The following PGPEP1L variants were observed in gnomAD, a reference collection of about 807,000 sequenced individuals.
The protein encoded by PGPEP1L is pyroglutamyl-peptidase 1-like protein.
A neutral mutation model predicts 6.0 loss-of-function variants in PGPEP1L; 7 were observed. The observed-to-expected ratio is 1.17, with a 90% CI of 0.66 to 2.19. The LOEUF is 2.19. Among genes scored for constraint, PGPEP1L ranks in the 30% most tolerant of loss-of-function variants. The pLI, the probability that PGPEP1L is intolerant of heterozygous loss-of-function variation, is 0.00. For missense variants in PGPEP1L, 209 were observed against 192.5 expected, an observed-to-expected ratio of 1.09 and a Z score of -0.51; for synonymous variants, 103 against 83.9, an observed-to-expected ratio of 1.23 and a Z score of -1.24.
At chr15:98,989,730 A>C (rs2017794070) in intron 2 of PGPEP1L, among the ~76,000 whole-genome samples, 1 of 152,232 alleles carries the variant, frequency 6.6e-6, no homozygotes, top group Non-Finnish European at 1.5e-5. Flanking sequence ...GCACCCAGAG[A>C]GAAAGGTCGG....
intron 2 of PGPEP1L, among the ~76,000 whole-genome samples, chr15:98,991,622 A>G (rs1555472090): frequency 6.6e-6 from 1 of 152,190 alleles, no homozygotes; most frequent in Non-Finnish European, 1.5e-5. Context: ...CATCATCCTG[A>G]TACCAAAAAC....
intron 2 of PGPEP1L, among the ~76,000 whole-genome samples, chr15:98,982,559 C>G (rs7172887): frequency 0.071 from 10,781 of 152,106 alleles, 804 homozygotes; most frequent in African/African-American, 0.19. Context: ...CCGTGGAGGC[C>G]AATGTTCAGA....
chr15:98,997,693 C>T (rs938808851), intron 2 of PGPEP1L, among the ~76,000 whole-genome samples: 6 of 152,196 alleles, frequency 3.9e-5, no homozygotes, highest in Non-Finnish European at 7.3e-5. Context: ...ACATACTTAC[C>T]TCTTTGGGTC....
At position 98,972,307 on chromosome 15, in the gene PGPEP1L, C is replaced by T. The variant is rs144909000; in HGVS notation, c.-141-1149G>A. 3.3e-3 allele frequency among the ~76,000 whole-genome samples: 498 copies of T among 151,838 alleles called. 2 individuals are homozygous for T. Among genetic ancestry groups the T allele is most frequent in the Non-Finnish European group, 4.1e-3 (278 of 67,958 alleles). On this transcript the variant is annotated intron_variant, in intron 2 of 4. Coordinates refer to ENST00000535714, the MANE Select transcript of PGPEP1L (RefSeq NM_001167902.2). ...GGCAGAGGTTGCAGTGAACTGAGAT[C>T]GTGCCATCGCACTCCAGCCTGGGCA...
At chr15:98,990,026 C>T (rs1555471900) in intron 2 of PGPEP1L, among the ~76,000 whole-genome samples, 1 of 152,128 alleles carries the variant, frequency 6.6e-6, no homozygotes, top group Non-Finnish European at 1.5e-5. Context: ...ACTGCGAAAC[C>T]ATACCAAATT....
intron 2 of PGPEP1L, among the ~76,000 whole-genome samples, chr15:98,981,099 C>A (rs917509780): frequency 5.3e-5 from 8 of 152,186 alleles, no homozygotes; most frequent in African/African-American, 1.9e-4. Flanking sequence ...CTCCCCCTAA[C>A]CTCAGTCTGA....
In PGPEP1L at chr15:99,004,270, G is replaced by A. The variant is rs1366029088; in HGVS notation, c.-142+1159C>T. The stretch of plus-strand genomic sequence containing the variant: ...ACTAAAATAAAATAAATTGGGGGGT[G>A]TGGTGGTGAGTGCCTGTTGTCCCAG... On this transcript the variant is annotated intron_variant, in intron 2 of 4. Coordinates refer to ENST00000535714, the MANE Select transcript of PGPEP1L (RefSeq NM_001167902.2). Among the ~76,000 whole-genome samples, 15 of 152,174 alleles carry A rather than the reference G, an allele frequency of 9.9e-5. No homozygotes were observed. In the East Asian group the frequency reaches 1.9e-3, roughly 20 times the overall value.
chr15:98,994,658 C>A (rs78284105), intron 2 of PGPEP1L, among the ~76,000 whole-genome samples: 3 of 152,140 alleles, frequency 2.0e-5, no homozygotes, highest in Admixed American at 1.3e-4. Flanking sequence ...ATTTTGCCTG[C>A]GGGCTCACTA....
chr15:98,995,175 T>C (rs1555472379), intron 2 of PGPEP1L, among the ~76,000 whole-genome samples: 2 of 152,230 alleles, frequency 1.3e-5, no homozygotes, highest in Non-Finnish European at 2.9e-5. Flanking sequence ...TCCTACTAAA[T>C]GTATTTAGAA....
At chr15:98,999,440 G>A (rs953820578) in intron 2 of PGPEP1L, among the ~76,000 whole-genome samples, 2 of 152,194 alleles carry the variant, frequency 1.3e-5, no homozygotes, top group Middle Eastern at 3.2e-3. Context: ...ACCAAATGTT[G>A]GCAAGGATGA....
intron 2 of PGPEP1L, among the ~76,000 whole-genome samples, chr15:98,974,100 G>T (rs1387848368): frequency 6.6e-6 from 1 of 152,124 alleles, no homozygotes; most frequent in Non-Finnish European, 1.5e-5. Flanking sequence ...GAAGAAATAG[G>T]CTGGGCACAG....
chr15:98,992,696 ATAC>A (rs1389254963), intron 2 of PGPEP1L, among the ~76,000 whole-genome samples: 16 of 152,244 alleles, frequency 1.1e-4, no homozygotes, highest in African/African-American at 3.9e-4. Context: ...ACTTCAAACT[ATAC>A]TACAAGGCTG....
chr15:98,985,336 C>G (rs984425047), intron 2 of PGPEP1L, among the ~76,000 whole-genome samples: 1 of 152,072 alleles, frequency 6.6e-6, no homozygotes, highest in African/African-American at 2.4e-5. Context: ...GTTAGGGGTT[C>G]GAGACCAGCC....
rs748879404 is a variant in PGPEP1L at position 98,968,622 on chromosome 15, T to C, written c.285A>G (p.Pro95=). The change falls in exon 5 of 5, where the codon CCA becomes CCG. Residue 95 remains proline (P), a synonymous_variant. Transcript: ENST00000535714. ...GGCTGGCCGGGAGCCCGCGCGATAG[T>C]GGAGGGACATGGATGAGTGCCGCGC... ...KGCAALIHVP[P]LSRGLPASLL... is the part of the protein sequence containing the mutation. 52 of 1,603,480 alleles carry C rather than the reference T, an allele frequency of 3.2e-5. No individual in the cohort carries two copies. Among genetic ancestry groups the C allele is most frequent in the Middle Eastern group, 1.6e-4 (1 of 6,074 alleles).
chr15:98,982,164 T>C (rs1016887772), intron 2 of PGPEP1L, among the ~76,000 whole-genome samples: 3 of 152,214 alleles, frequency 2.0e-5, no homozygotes, highest in Non-Finnish European at 4.4e-5. Flanking sequence ...GGGAGGACTG[T>C]GAAGCCACAG....
intron 2 of PGPEP1L, among the ~76,000 whole-genome samples, chr15:99,004,579 G>T (rs1487214363): frequency 6.6e-6 from 1 of 152,094 alleles, no homozygotes; most frequent in African/African-American, 2.4e-5. Flanking sequence ...TTAGCTGGGC[G>T]TGGTGGTGCG....
At position 98,997,423 on chromosome 15, in the gene PGPEP1L, C is replaced by T. The variant is rs114952504; in HGVS notation, c.-142+8006G>A. On this transcript the variant is annotated intron_variant, in intron 2 of 4. Coordinates refer to ENST00000535714, the MANE Select transcript of PGPEP1L (RefSeq NM_001167902.2). ...GAATAAAGACCTCACCTTGATCCAA[C>T]GGAGGCATGAAATTGATGGCCAAGT... 3.0e-3 allele frequency among the ~76,000 whole-genome samples: 460 copies of T among 152,278 alleles called. 7 individuals are homozygous for T. Among genetic ancestry groups the T allele is most frequent in the African/African-American group, 9.6e-3 (398 of 41,560 alleles).
chr15:99,005,942 T>C (rs1304971983), intron 1 of PGPEP1L, among the ~76,000 whole-genome samples: 3 of 152,190 alleles, frequency 2.0e-5, no homozygotes, highest in Non-Finnish European at 4.4e-5. Flanking sequence ...TCCTCTTTAG[T>C]AATCCCTGCC....
intron 2 of PGPEP1L, among the ~76,000 whole-genome samples, chr15:98,974,206 G>A (rs1054914802): frequency 6.6e-6 from 1 of 151,814 alleles, no homozygotes; most frequent in Non-Finnish European, 1.5e-5. Context: ...GCACGAACCC[G>A]TCTGTACTAA....
Sources: gnomAD v4.1 joint callset for allele counts (sites outside exome capture counted in the v4.1 genomes callset) on GRCh38, gnomAD v4.1.1 for gene constraint, MANE v1.5 for transcripts, NCBI Gene and HGNC (gene_info 2026-07-23, HGNC 2026-07-21) for gene names.